The following PHACTR3 variants were observed in gnomAD, a reference collection of about 807,000 sequenced individuals.
The protein encoded by PHACTR3 is phosphatase and actin regulator 3, also known as protein phosphatase 1, regulatory subunit 123.
In PHACTR3, 16 loss-of-function variants were observed where a neutral mutation model predicts 66.8. That is an observed-to-expected ratio of 0.24 (90% confidence interval 0.16 to 0.36). The LOEUF (loss-of-function observed/expected upper bound fraction) is 0.36, where lower values mean the gene tolerates loss of function less well. PHACTR3 is among the 10% of genes least tolerant of loss of function. The pLI is 1.00. For missense variants in PHACTR3, 647 were observed against 719.9 expected (o/e 0.90, Z 1.16); for synonymous variants, 323 against 292.1 (o/e 1.11, Z -1.08).
intron 1 of PHACTR3, among the ~76,000 whole-genome samples, chr20:59,606,685 G>A (rs976516776): frequency 6.6e-6 from 1 of 152,152 alleles, no homozygotes; most frequent in Non-Finnish European, 1.5e-5. Context: ...ACTTGAAATG[G>A]AAATTATGGA....
rs1017544707 is a variant in PHACTR3, at chr20:59,700,956, A to AT, written c.119-42146dup. ...AGGTGCACCACACTATGTCTGGCTA[A>AT]TTTTTAAAAAAATTTTTTGGCGACG... On this transcript the variant is annotated intron_variant, in intron 1 of 12. Transcript: ENST00000371015. Among the ~76,000 whole-genome samples the AT allele has an allele frequency of 2.3e-4, 25 of 107,788 alleles. No homozygotes were observed. In the East Asian group the frequency reaches 6.7e-3, roughly 29 times the overall value. 70.7% of individuals were successfully genotyped at this position (107,788 alleles called of 152,430 possible). A position where few individuals can be genotyped will look rare whatever the true frequency, so the allele number is the denominator to read the frequency against.
intron 1 of PHACTR3, among the ~76,000 whole-genome samples, chr20:59,692,954 A>G (rs564119196): frequency 1.7e-3 from 264 of 152,304 alleles, no homozygotes; most frequent in Non-Finnish European, 2.8e-3. Flanking sequence ...TAATGTTTCT[A>G]AGCCTTAGGT....
chr20:59,594,537 G>A (rs868323055), intron 1 of PHACTR3, among the ~76,000 whole-genome samples: 4 of 151,992 alleles, frequency 2.6e-5, no homozygotes, highest in Non-Finnish European at 5.9e-5. Flanking sequence ...TCAAGGAGTC[G>A]GTTCATTTCA....
chr20:59,776,831 G>A (rs1369996927), intron 7 of PHACTR3, among the ~76,000 whole-genome samples: 1 of 150,448 alleles, frequency 6.6e-6, no homozygotes, highest in Non-Finnish European at 1.5e-5. Flanking sequence ...AGCACCCTTG[G>A]CTCCCACCTC....
chr20:59,815,196 A>G (rs1177471607), intron 8 of PHACTR3, among the ~76,000 whole-genome samples: 1 of 152,128 alleles, frequency 6.6e-6, no homozygotes. Context: ...ATCGGGGGGA[A>G]TTTGGCTTCC....
At chr20:59,597,987 A>G (rs1304489725) in intron 1 of PHACTR3, among the ~76,000 whole-genome samples, 7 of 152,198 alleles carry the variant, frequency 4.6e-5, no homozygotes, top group Non-Finnish European at 2.9e-5. Context: ...CTAGAGTCGG[A>G]GCATGCAGTA....
intron 4 of PHACTR3, among the ~76,000 whole-genome samples, chr20:59,758,596 G>C (rs981810573): frequency 2.0e-5 from 3 of 152,296 alleles, no homozygotes; most frequent in South Asian, 2.1e-4. Flanking sequence ...CTGCATGCAG[G>C]GTTGGGGAGC....
intron 8 of PHACTR3, among the ~76,000 whole-genome samples, chr20:59,807,290 A>T (rs901137181): frequency 6.6e-6 from 1 of 152,206 alleles, no homozygotes; most frequent in African/African-American, 2.4e-5. Context: ...AACTTTTTAA[A>T]TGTTTTATTA....
intron 8 of PHACTR3, among the ~76,000 whole-genome samples, chr20:59,806,964 C>T (rs1304446033): frequency 6.6e-6 from 1 of 152,134 alleles, no homozygotes; most frequent in Admixed American, 6.6e-5. Context: ...AAAATGTCAC[C>T]TCTGTATAGA....
chr20:59,660,354 C>T (rs920174262), intron 1 of PHACTR3, among the ~76,000 whole-genome samples: 2 of 152,228 alleles, frequency 1.3e-5, no homozygotes, highest in Non-Finnish European at 2.9e-5. Flanking sequence ...ATTAGCCGGG[C>T]ATGGTGGCGG....
chr20:59,827,858 G>A (rs1024064759), intron 8 of PHACTR3, among the ~76,000 whole-genome samples: 46 of 152,294 alleles, frequency 3.0e-4, no homozygotes, highest in African/African-American at 1.1e-3. Context: ...GCTTCCTGGT[G>A]GAGTTGAAGT....
intron 2 of PHACTR3, among the ~76,000 whole-genome samples, chr20:59,745,250 G>A (rs1253766339): frequency 1.3e-5 from 2 of 152,194 alleles, no homozygotes; most frequent in Non-Finnish European, 2.9e-5. Context: ...TGAAAGGCCG[G>A]GGGACTAGAG....
chr20:59,644,083 C>T (rs550885807), intron 1 of PHACTR3, among the ~76,000 whole-genome samples: 1 of 152,226 alleles, frequency 6.6e-6, no homozygotes, highest in South Asian at 2.1e-4. Flanking sequence ...CACTGAGAAA[C>T]TGCTAAAGGT....
intron 7 of PHACTR3, among the ~76,000 whole-genome samples, chr20:59,800,843 A>G (rs958177472): frequency 1.3e-5 from 2 of 152,178 alleles, no homozygotes; most frequent in African/African-American, 4.8e-5. Flanking sequence ...TTGCTTTAAC[A>G]TTTGTTAGAT....
chr20:59,641,497 G>A (rs898838368), intron 1 of PHACTR3, among the ~76,000 whole-genome samples: 2 of 152,222 alleles, frequency 1.3e-5, no homozygotes, highest in African/African-American at 4.8e-5. Context: ...CAGATAGAGA[G>A]AATTCTTTCT....
At chr20:59,619,918 G>A (rs546950339) in intron 1 of PHACTR3, among the ~76,000 whole-genome samples, 1 of 152,270 alleles carries the variant, frequency 6.6e-6, no homozygotes, top group South Asian at 2.1e-4. Context: ...GCTGGTCATG[G>A]CATTGTCCTG....
At chr20:59,837,824 C>T (rs1244004800) in intron 9 of PHACTR3, among the ~76,000 whole-genome samples, 2 of 152,192 alleles carry the variant, frequency 1.3e-5, no homozygotes, top group African/African-American at 4.8e-5. Context: ...AGCCTGCTGT[C>T]AGCAACAGGA....
rs934966556 is a variant in PHACTR3, at chr20:59,830,326, G to A, written c.1329-6179G>A. Reference sequence around the variant, plus strand: ...ACAGTGTGAGTAGATGATGAAAGAAGGTGTGAGTATTTGATGGAGGAGGGT... The same window carrying A: ...ACAGTGTGAGTAGATGATGAAAGAAAGTGTGAGTATTTGATGGAGGAGGGT... On this transcript the variant is annotated intron_variant, in intron 8 of 12. Coordinates refer to ENST00000371015, the MANE Select transcript of PHACTR3 (RefSeq NM_080672.5). This position sits in a 1 kb window ranked among gnomAD's most constrained non-coding sequence, Gnocchi z 5.8. 1.3e-5 allele frequency among the ~76,000 whole-genome samples: 2 copies of A among 151,148 alleles called. No homozygotes were observed. Among genetic ancestry groups the A allele is most frequent in the African/African-American group, 2.4e-5 (1 of 40,922 alleles).
chr20:59,776,751 G>A (rs995516207), intron 7 of PHACTR3, among the ~76,000 whole-genome samples: 4 of 152,268 alleles, frequency 2.6e-5, no homozygotes, highest in East Asian at 1.9e-4. Context: ...CTGTGGCAGC[G>A]TGGTTGAGCC....
Sources: gnomAD v4.1 joint callset for allele counts (sites outside exome capture counted in the v4.1 genomes callset) on GRCh38, gnomAD v4.1.1 for gene constraint, Gnocchi (gnomAD v3.1) non-coding constraint, MANE v1.5 for transcripts, NCBI Gene and HGNC (gene_info 2026-07-23, HGNC 2026-07-21) for gene names.